The following DNAI3 variants were observed in gnomAD, a reference collection of about 807,000 sequenced individuals.
DNAI3 encodes WD repeat domain 63.
DNAI3 carries 83 observed loss-of-function variants against 115.5 expected under a neutral mutation model. The ratio of observed to expected loss-of-function variants is 0.72; its 90% CI spans 0.60 to 0.86. The LOEUF (loss-of-function observed/expected upper bound fraction) is 0.86, where lower values mean the gene tolerates loss of function less well. Ranked by LOEUF, DNAI3 falls within the 40% of genes least tolerant of loss-of-function variation. The pLI is 0.00. For missense variants in DNAI3, 1,004 were observed against 1,075.8 expected, an observed-to-expected ratio of 0.93 and a Z score of 0.93; for synonymous variants, 320 against 347.0, an observed-to-expected ratio of 0.92 and a Z score of 0.86.
chr1:85,127,823 A>G (rs1656193915), intron 20 of DNAI3, among the ~76,000 whole-genome samples: 1 of 152,150 alleles, frequency 6.6e-6, no homozygotes, highest in Non-Finnish European at 1.5e-5. Flanking sequence ...ATAGAAAATT[A>G]CAATTCTCAG....
At chr1:85,117,051 T>C (rs1159439099) in intron 16 of DNAI3, among the ~76,000 whole-genome samples, 3 of 152,170 alleles carry the variant, frequency 2.0e-5, no homozygotes, top group Non-Finnish European at 4.4e-5. Flanking sequence ...TCTTGGGTAA[T>C]ATGACTCAGA....
intron 10 of DNAI3, 90 bp downstream of exon 10, chr1:85,094,645 A>C: frequency 6.9e-7 from 1 of 1,442,820 alleles, no homozygotes; most frequent in Non-Finnish European, 9.3e-7. Flanking sequence ...AGTACTTTAT[A>C]ATCATGTAAT....
At chr1:85,100,880 A>G (rs1169262469) in intron 13 of DNAI3, among the ~76,000 whole-genome samples, 16 of 151,560 alleles carry the variant, frequency 1.1e-4, no homozygotes, top group Non-Finnish European at 2.2e-4. Context: ...AGGACAAAAA[A>G]CCAAACACCG....
Position 85,098,654 on chromosome 1 carries a change from T to C in DNAI3, c.1475T>C (p.Phe492Ser), listed in dbSNP as rs771327351. 12 of 1,612,324 alleles carry C rather than the reference T, an allele frequency of 7.4e-6. No individual in the cohort carries two copies. In the Admixed American group the frequency reaches 1.7e-4, roughly 22 times the overall value. ...GATATACACTGGTTGTCTGACACAT[T>C]TGAGGTGAGACTTGATGGCCTTATA... ...ITDIHWLSDTFEINRMGSVFE... is the reference protein window; with the variant it reads ...ITDIHWLSDTSEINRMGSVFE... The change falls in exon 13 of 23, where the codon TTT becomes TCT. Residue 492 changes from phenylalanine to serine, a missense_variant. Transcript: ENST00000294664.
intron 1 of DNAI3, among the ~76,000 whole-genome samples, chr1:85,065,383 A>G (rs1299602831): frequency 6.6e-6 from 1 of 152,230 alleles, no homozygotes; most frequent in Admixed American, 6.5e-5. Context: ...GGGAAGATGC[A>G]TGCGGTAGTA....
chr1:85,071,023 G>A (rs1654255513), intron 1 of DNAI3, among the ~76,000 whole-genome samples: 1 of 152,220 alleles, frequency 6.6e-6, no homozygotes, highest in Admixed American at 6.5e-5. Context: ...TGAAATAATA[G>A]TCTGTGTTGA....
intron 14 of DNAI3, 70 bp downstream of exon 14, chr1:85,104,667 T>A: frequency 8.1e-7 from 1 of 1,229,274 alleles, no homozygotes. Flanking sequence ...GCTCCTAAAA[T>A]CAGTGTCTTC....
chr1:85,120,695 G>A (rs971671844), intron 17 of DNAI3, among the ~76,000 whole-genome samples: 13 of 152,154 alleles, frequency 8.5e-5, no homozygotes, highest in African/African-American at 3.1e-4. Flanking sequence ...ATCCGTGAGG[G>A]TGATGTGCAA....
At chr1:85,087,375 G>T (rs938728816) in intron 7 of DNAI3, among the ~76,000 whole-genome samples, 2 of 135,550 alleles carry the variant, frequency 1.5e-5, no homozygotes, top group African/African-American at 5.5e-5. Flanking sequence ...GGTAGAGGTT[G>T]CAGTGAGCCA....
chr1:85,113,880 A>G (rs1450590967), intron 16 of DNAI3, among the ~76,000 whole-genome samples: 2 of 152,166 alleles, frequency 1.3e-5, no homozygotes, highest in Admixed American at 1.3e-4. Flanking sequence ...TGTATTTTAC[A>G]GTGTACAGGT....
intron 1 of DNAI3, among the ~76,000 whole-genome samples, chr1:85,071,450 T>C (rs1156722685): frequency 6.6e-6 from 1 of 152,212 alleles, no homozygotes; most frequent in African/African-American, 2.4e-5. Context: ...CATGCTGAGA[T>C]AAAAGTATGA....
At position 85,073,092 on chromosome 1, in the gene DNAI3, G is replaced by T; in HGVS notation, c.103G>T (p.Gly35Cys). The change falls in exon 3 of 23, where the codon GGT becomes TGT. Residue 35 changes from glycine (G) to cysteine (C), a missense_variant and splice_region_variant. Physicochemically the swap from Gly to Cys is radical, Grantham distance 159 (BLOSUM62 -3). This residue lies in a region of DNAI3 where 550 missense variants were observed against 568.1 expected (regional missense o/e 0.97). Coordinates refer to ENST00000294664, the MANE Select transcript of DNAI3 (RefSeq NM_145172.5). ...GGAACCAGTAAATATGGAGAGCATG[G>T]GTAAGTGGAAATATAATTTACAACT... ...DMEPVNMESM[G>C]HPEIYPLVLT... 1.3e-6 allele frequency: 2 copies of T among 1,535,672 alleles called. No homozygotes were observed. The highest frequency in any genetic ancestry group is 1.9e-5 in the Admixed American group (1 of 53,050).
rs1557710638 is a variant in DNAI3, at chr1:85,084,267, T to TAC, written c.391-278_391-277insCA. On this transcript the variant is annotated intron_variant, in intron 5 of 22. Transcript: ENST00000294664. ...AGCAGTGTGTATATATATATATATA[T>TAC]ATATATATATACACATCCATATGTA... Among the ~76,000 whole-genome samples the TAC allele has an allele frequency of 9.4e-4, 104 of 110,236 alleles. 2 individuals carry two copies. Among genetic ancestry groups the TAC allele is most frequent in the Middle Eastern group, 5.3e-3 (1 of 190 alleles). The allele number at this position is 110,236 out of a possible 152,430, so 72.3% of individuals were successfully genotyped here.
chr1:85,128,605 G>A (rs1259671495), intron 20 of DNAI3, 103 bp from the exon 21 acceptor site: 4 of 859,682 alleles, frequency 4.7e-6, no homozygotes, highest in Non-Finnish European at 7.3e-6. Context: ...ACCACAGCAG[G>A]TCCTTTGGGA....
At chr1:85,113,283 G>A (rs1655710924) in intron 16 of DNAI3, among the ~76,000 whole-genome samples, 1 of 152,078 alleles carries the variant, frequency 6.6e-6, no homozygotes, top group Non-Finnish European at 1.5e-5. Context: ...TTTTGGTGTT[G>A]AATTTAAGAA....
intron 16 of DNAI3, among the ~76,000 whole-genome samples, chr1:85,115,203 G>T (rs1184849640): frequency 6.6e-6 from 1 of 152,154 alleles, no homozygotes; most frequent in Non-Finnish European, 1.5e-5. Context: ...AAGATGAGGG[G>T]AGTAAATAAT....
At chr1:85,069,319 C>T (rs114189689) in intron 1 of DNAI3, among the ~76,000 whole-genome samples, 229 of 151,754 alleles carry the variant, frequency 1.5e-3, no homozygotes, top group African/African-American at 5.4e-3. Flanking sequence ...TTCCAATGTC[C>T]AGTTCCTTTT....
intron 16 of DNAI3, among the ~76,000 whole-genome samples, chr1:85,111,008 C>T (rs975089155): frequency 1.3e-5 from 2 of 152,182 alleles, no homozygotes; most frequent in African/African-American, 2.4e-5. Context: ...TAAAGGTATG[C>T]ATGAATATCC....
chr1:85,125,577 A>G (rs372980130), intron 19 of DNAI3, among the ~76,000 whole-genome samples: 28 of 152,058 alleles, frequency 1.8e-4, no homozygotes, highest in African/African-American at 6.8e-4. Context: ...TAGTTAAAGA[A>G]AAAGAAAAAG....
Sources: allele counts gnomAD v4.1 joint callset (sites outside exome capture counted in the v4.1 genomes callset), GRCh38; gene constraint gnomAD v4.1.1; regional missense constraint gnomAD v4.1.1; transcripts MANE v1.5; gene names NCBI Gene and HGNC (gene_info 2026-07-23, HGNC 2026-07-21).